Variants in VAC14 observed in about 807,000 individuals in gnomAD.
The protein encoded by VAC14 is VAC14 component of PIKFYVE complex.
VAC14 carries 47 observed loss-of-function variants against 85.3 expected under a neutral mutation model. That is an observed-to-expected ratio of 0.55 (90% confidence interval 0.44 to 0.70). The LOEUF (loss-of-function observed/expected upper bound fraction) is 0.70. VAC14 is among the 30% of genes least tolerant of loss of function. The pLI is 0.00. For missense variants in VAC14, 861 were observed against 1,004.3 expected (o/e 0.86, Z 1.93); for synonymous variants, 447 against 430.5 (o/e 1.04, Z -0.47).
intron 12 of VAC14, among the ~76,000 whole-genome samples, chr16:70,752,581 A>G (rs902892072): frequency 6.6e-6 from 1 of 152,220 alleles, no homozygotes; most frequent in African/African-American, 2.4e-5. Flanking sequence ...CATACCCGCT[A>G]TGGCTCTGTC....
intron 13 of VAC14, among the ~76,000 whole-genome samples, chr16:70,741,255 T>C (rs942869048): frequency 1.3e-5 from 2 of 152,234 alleles, no homozygotes; most frequent in African/African-American, 4.8e-5. Flanking sequence ...AAAGAGCCCC[T>C]TGCATGCCTG....
At chr16:70,741,579 C>A (rs1379925061) in intron 13 of VAC14, among the ~76,000 whole-genome samples, 1 of 152,226 alleles carries the variant, frequency 6.6e-6, no homozygotes, top group Non-Finnish European at 1.5e-5. Flanking sequence ...GAGCTCCTGG[C>A]CCAGAGAGTT....
At chr16:70,694,066 G>A (rs774923191) in intron 17 of VAC14, among the ~76,000 whole-genome samples, 8 of 152,238 alleles carry the variant, frequency 5.3e-5, no homozygotes, top group East Asian at 1.9e-4. Context: ...AGGCACTGCC[G>A]GTGGCCACAC....
intron 3 of VAC14, 46 bp downstream of exon 3, chr16:70,785,656 G>C: frequency 6.6e-7 from 1 of 1,513,500 alleles, no homozygotes; most frequent in East Asian, 2.5e-5. Flanking sequence ...AAGTGAGGTG[G>C]GGGAACCAAG....
At chr16:70,775,800 T>C (rs1567594777) in intron 9 of VAC14, among the ~76,000 whole-genome samples, 1 of 137,748 alleles carries the variant, frequency 7.3e-6, no homozygotes, top group Non-Finnish European at 1.5e-5. Context: ...GCATCAGAAA[T>C]TGGCCTCAAA....
intron 14 of VAC14, among the ~76,000 whole-genome samples, chr16:70,717,169 C>T (rs1327662628): frequency 1.3e-5 from 2 of 152,262 alleles, no homozygotes; most frequent in East Asian, 1.9e-4. Flanking sequence ...CGACCCTTTT[C>T]AGGGCAATCA....
intron 14 of VAC14, chr16:70,716,138 G>A (rs2054161861): frequency 6.6e-6 from 1 of 152,080 alleles, no homozygotes; most frequent in South Asian, 2.1e-4. Flanking sequence ...CTGACCTGAG[G>A]ACCCCCCTCC....
At chr16:70,723,061 C>T (rs372460195) in intron 14 of VAC14, among the ~76,000 whole-genome samples, 18 of 151,948 alleles carry the variant, frequency 1.2e-4, no homozygotes, top group African/African-American at 2.9e-4. Flanking sequence ...ACTAAAAATA[C>T]AAAAATTAGC....
intron 14 of VAC14, among the ~76,000 whole-genome samples, chr16:70,702,292 G>C (rs2053843856): frequency 6.6e-6 from 1 of 152,240 alleles, no homozygotes; most frequent in Admixed American, 6.5e-5. Flanking sequence ...TGGGAAGCCA[G>C]CTCATCCCAG....
rs987271285 is a variant in VAC14, at chr16:70,695,225, C to T, written c.2035+319G>A. ...CTCCTGGGCTCAAGTGATCCTCCTA[C>T]CTCAGCCTTCTGAGTAGTGGTGACT... On this transcript the variant is annotated intron_variant, in intron 17 of 18. Coordinates refer to ENST00000261776, the MANE Select transcript of VAC14 (RefSeq NM_018052.5). Among the ~76,000 whole-genome samples the T allele has an allele frequency of 2.6e-5, 4 of 152,054 alleles. No individual in the cohort carries two copies. In the South Asian group the frequency reaches 8.3e-4, roughly 32 times the overall value.
At chr16:70,798,291 G>T (rs1312872161) in intron 1 of VAC14, among the ~76,000 whole-genome samples, 1 of 152,140 alleles carries the variant, frequency 6.6e-6, no homozygotes, top group Non-Finnish European at 1.5e-5. Context: ...CACATGAACT[G>T]ACTCATTTAC....
intron 14 of VAC14, among the ~76,000 whole-genome samples, chr16:70,705,555 C>A (rs1301351863): frequency 1.3e-5 from 2 of 152,234 alleles, no homozygotes; most frequent in African/African-American, 4.8e-5. Context: ...CAATAAGCCA[C>A]CAGCAGCGTG....
chr16:70,752,066 C>G (rs16970484), intron 12 of VAC14, among the ~76,000 whole-genome samples: 40,903 of 152,194 alleles, frequency 0.27, 8,429 homozygotes, highest in African/African-American at 0.58. Context: ...TCTTAGTAAA[C>G]CAAAAGCAAC....
At chr16:70,702,556 C>T (rs540186110) in intron 14 of VAC14, among the ~76,000 whole-genome samples, 5 of 152,272 alleles carry the variant, frequency 3.3e-5, no homozygotes, top group Non-Finnish European at 7.4e-5. Flanking sequence ...TGACTCCCAT[C>T]CTACTGCTGG....
At chr16:70,786,491 A>G in intron 1 of VAC14, 126 bp from the exon 2 acceptor site, 2 of 1,292,010 alleles carry the variant, frequency 1.5e-6, no homozygotes, top group Admixed American at 4.9e-5. Context: ...CAGGCGTCTC[A>G]GGGCAGGTCT....
Position 70,800,996 on chromosome 16 carries a change from C to G in VAC14, c.-96G>C. The G allele has an allele frequency of 1.2e-6, 1 of 822,436 alleles. No homozygotes were observed. Among genetic ancestry groups the G allele is most frequent in the Non-Finnish European group, 1.8e-6 (1 of 569,920 alleles). The allele number at this position is 822,436 out of a possible 1,614,324, so 50.9% of individuals were successfully genotyped here. On this transcript the variant is annotated 5_prime_UTR_variant, in exon 1 of 19. Transcript: ENST00000261776. ...CTGCGGCTCCGCTCTGCCCCCGGCG[C>G]CGGCGCATGGACCACGCCGCTCTAG... is the stretch of plus-strand genomic sequence containing the variant.
chr16:70,765,998 TG>T (rs1383844155), intron 10 of VAC14, among the ~76,000 whole-genome samples: 2 of 151,414 alleles, frequency 1.3e-5, no homozygotes, highest in Non-Finnish European at 2.9e-5. Flanking sequence ...CTGGGTGTGG[TG>T]GTACATTCCT....
chr16:70,754,385 C>T (rs1173508956), intron 12 of VAC14, among the ~76,000 whole-genome samples: 5 of 152,240 alleles, frequency 3.3e-5, no homozygotes, highest in African/African-American at 1.2e-4. Context: ...CTCTGAACCC[C>T]CAGCAGTGGC....
chr16:70,792,692 G>A (rs2034390196), intron 1 of VAC14, among the ~76,000 whole-genome samples: 1 of 152,192 alleles, frequency 6.6e-6, no homozygotes. Flanking sequence ...GACACTGCAA[G>A]ACACATCTGG....
Sources: allele counts gnomAD v4.1 joint callset (sites outside exome capture counted in the v4.1 genomes callset), GRCh38; gene constraint gnomAD v4.1.1; transcripts MANE v1.5; gene names NCBI Gene and HGNC (gene_info 2026-07-23, HGNC 2026-07-21).